The following APOLD1 variants were observed in gnomAD, a reference collection of about 807,000 sequenced individuals.
The protein encoded by APOLD1 is apolipoprotein L domain containing 1.
In APOLD1, 22 loss-of-function variants were observed where a neutral mutation model predicts 15.3. The ratio of observed to expected loss-of-function variants is 1.44; its 90% CI spans 1.03 to 2.05. The LOEUF (loss-of-function observed/expected upper bound fraction) is 2.05, where lower values mean the gene tolerates loss of function less well. APOLD1 is among the 30% of genes most tolerant of loss of function. APOLD1 has a pLI of 0.00. For missense variants in APOLD1, 394 were observed against 353.5 expected, an observed-to-expected ratio of 1.11 and a Z score of -0.92; for synonymous variants, 190 against 167.4, an observed-to-expected ratio of 1.13 and a Z score of -1.04.
At chr12:12,759,707 C>T (rs945807974) in intron 1 of APOLD1, among the ~76,000 whole-genome samples, 4 of 152,190 alleles carry the variant, frequency 2.6e-5, no homozygotes, top group Non-Finnish European at 5.9e-5. Flanking sequence ...GCTGCCTTGA[C>T]GTCAGTATAT....
At chr12:12,744,236 G>A (rs756063038) in intron 1 of APOLD1, among the ~76,000 whole-genome samples, 69 of 151,364 alleles carry the variant, frequency 4.6e-4, no homozygotes, top group Non-Finnish European at 7.4e-4. Context: ...TTGAGCCTAG[G>A]AGATCAAGGC....
At chr12:12,740,459 C>G (rs1946722547) in intron 1 of APOLD1, among the ~76,000 whole-genome samples, 1 of 152,184 alleles carries the variant, frequency 6.6e-6, no homozygotes, top group African/African-American at 2.4e-5. Context: ...TGCTTCAGCC[C>G]TGAGGTCCCA....
At chr12:12,782,257 TCAAA>T (rs59794394), upstream of APOLD1, among the ~76,000 whole-genome samples, 34,730 of 118,906 alleles carry the variant, frequency 0.29, 4,449 homozygotes, top group African/African-American at 0.45. Context: ...AGACTCCGTC[TCAAA>T]CAAACAAACA....
chr12:12,737,354 T>A (rs567436370), intron 1 of APOLD1, among the ~76,000 whole-genome samples: 10 of 152,284 alleles, frequency 6.6e-5, no homozygotes, highest in African/African-American at 2.2e-4. Flanking sequence ...CTTTTACAGT[T>A]GTCAGCAAAT....
At position 12,787,003 on chromosome 12, in the gene APOLD1, G is replaced by C; in HGVS notation, c.98G>C (p.Gly33Ala). 1 of 1,411,054 alleles carries C rather than the reference G, an allele frequency of 7.1e-7. No homozygotes were observed. The highest frequency in any genetic ancestry group is 9.1e-7 in the Non-Finnish European group (1 of 1,094,632). The allele number at this position is 1,411,054 out of a possible 1,614,324, so 87.4% of individuals were successfully genotyped here. A position where few individuals can be genotyped will look rare whatever the true frequency, so the allele number is the denominator to read the frequency against. Residue 33 changes from glycine (G) to alanine (A), a missense_variant, in exon 2 of 2, where the codon GGC (glycine) becomes GCC (alanine). Coordinates refer to ENST00000356591, the MANE Select transcript of APOLD1 (RefSeq NM_030817.3). This position sits in a 1 kb window ranked among gnomAD's most constrained non-coding sequence, Gnocchi z 4.9. ...CTGGACCGCCGAGGCCGGCTGCACGGCCAGGTGCTGCGCCTGCGCGAGGTG... is the reference window on the plus strand; with the variant it reads ...CTGGACCGCCGAGGCCGGCTGCACGCCCAGGTGCTGCGCCTGCGCGAGGTG... ...LLLDRRGRLH[G>A]QVLRLREVAR...
chr12:12,771,076 T>G (rs1179061362), intron 1 of APOLD1, among the ~76,000 whole-genome samples: 1 of 152,190 alleles, frequency 6.6e-6, no homozygotes, highest in Admixed American at 6.5e-5. Flanking sequence ...GGGAATTTGT[T>G]GCCTTGCAAG....
intron 1 of APOLD1, among the ~76,000 whole-genome samples, chr12:12,727,470 C>T (rs1592285699): frequency 1.3e-5 from 2 of 152,118 alleles, no homozygotes; most frequent in South Asian, 4.1e-4. Context: ...AACTTGAGGC[C>T]CCATCTTTAA....
At chr12:12,785,609 A>G, upstream of APOLD1, 1 of 1,613,784 alleles carries the variant, frequency 6.2e-7, no homozygotes, top group South Asian at 1.1e-5. Context: ...TTCCCAGGGC[A>G]GCCATTGGTT....
At chr12:12,766,992 T>G (rs946449044) in intron 1 of APOLD1, among the ~76,000 whole-genome samples, 1 of 151,796 alleles carries the variant, frequency 6.6e-6, no homozygotes, top group African/African-American at 2.4e-5. Flanking sequence ...ATGCCTGTAA[T>G]CTCAGCAGTT....
At chr12:12,752,371 G>A (rs142157716) in intron 1 of APOLD1, among the ~76,000 whole-genome samples, 81 of 152,278 alleles carry the variant, frequency 5.3e-4, no homozygotes, top group African/African-American at 1.9e-3. Context: ...CTGGACCTGG[G>A]TGGCTAATTA....
chr12:12,776,796 G>A (rs1947038870), intron 1 of APOLD1, among the ~76,000 whole-genome samples: 1 of 152,142 alleles, frequency 6.6e-6, no homozygotes, highest in South Asian at 2.1e-4. Context: ...GGATTATGAA[G>A]CAGTAACATT....
At chr12:12,726,830 C>T (rs1010681069) in intron 1 of APOLD1, among the ~76,000 whole-genome samples, 2 of 152,160 alleles carry the variant, frequency 1.3e-5, no homozygotes, top group African/African-American at 4.8e-5. Context: ...CATAAAAGTC[C>T]GCTAGTCACT....
At chr12:12,751,733 C>T (rs1466766726) in intron 1 of APOLD1, among the ~76,000 whole-genome samples, 3 of 152,196 alleles carry the variant, frequency 2.0e-5, no homozygotes, top group Non-Finnish European at 2.9e-5. Context: ...CATCCTAATT[C>T]TCAGAATCTG....
intron 1 of APOLD1, among the ~76,000 whole-genome samples, chr12:12,762,720 T>A (rs1946910725): frequency 6.6e-6 from 1 of 152,156 alleles, no homozygotes; most frequent in Admixed American, 6.5e-5. Flanking sequence ...GACCTTTGAT[T>A]GGCTGAACCC....
intron 1 of APOLD1, among the ~76,000 whole-genome samples, chr12:12,739,421 C>T (rs1201656264): frequency 6.6e-6 from 1 of 152,104 alleles, no homozygotes; most frequent in Non-Finnish European, 1.5e-5. Flanking sequence ...TTTCTGAACT[C>T]CTGCAAGCAT....
Position 12,732,147 on chromosome 12 carries a change from A to G in APOLD1, c.96+6051A>G, listed in dbSNP as rs78582364. 2.6e-5 allele frequency among the ~76,000 whole-genome samples: 4 copies of G among 152,288 alleles called. No homozygotes were observed. The East Asian group carries it at 7.7e-4, about 29-fold the overall frequency. ...GTTCAAGCTCTCTATTCTCTTTTAA[A>G]AGCCTCATGAAGAGTTGATTACATG... On this transcript the variant is annotated intron_variant, in intron 1 of 1. Transcript: ENST00000326765.
intron 1 of APOLD1, among the ~76,000 whole-genome samples, chr12:12,728,746 G>T (rs74061772): frequency 0.012 from 1,785 of 148,924 alleles, 41 homozygotes; most frequent in African/African-American, 0.041. Flanking sequence ...TATGTTAGTT[G>T]TGACTCTGCC....
intron 1 of APOLD1, among the ~76,000 whole-genome samples, chr12:12,731,683 T>C (rs1946642852): frequency 6.6e-6 from 1 of 152,242 alleles, no homozygotes. Flanking sequence ...TGCTCAATTG[T>C]AGACTATTGG....
chr12:12,780,493 T>C (rs1329755632), intron 1 of APOLD1, among the ~76,000 whole-genome samples: 1 of 152,008 alleles, frequency 6.6e-6, no homozygotes. Flanking sequence ...TTGGTGAATG[T>C]ACATATTAGA....
Sources: allele counts gnomAD v4.1 joint callset (sites outside exome capture counted in the v4.1 genomes callset), GRCh38; gene constraint gnomAD v4.1.1; non-coding constraint Gnocchi (gnomAD v3.1); transcripts MANE v1.5; gene names NCBI Gene and HGNC (gene_info 2026-07-23, HGNC 2026-07-21).